USP32: variants seen among roughly 807,000 people sequenced by gnomAD.
USP32 encodes ubiquitin specific peptidase 32, also known as ubiquitin carboxyl-terminal hydrolase 32.
USP32 carries 59 observed loss-of-function variants against 204.8 expected under a neutral mutation model. That is an observed-to-expected ratio of 0.29 (90% CI 0.23 to 0.36). USP32 has a LOEUF of 0.36. USP32 is among the 10% of genes least tolerant of loss of function. The pLI, the probability that USP32 is intolerant of heterozygous loss-of-function variation, is 1.00. For synonymous variants in USP32, 517 were observed against 678.4 expected, an observed-to-expected ratio of 0.76 and a Z score of 3.70; for missense variants, 1,160 against 1,946.4, an observed-to-expected ratio of 0.60 and a Z score of 7.60.
chr17:60,269,262 T>C (rs1436325389), intron 7 of USP32, among the ~76,000 whole-genome samples, 188 bp downstream of exon 7: 2 of 152,300 alleles, frequency 1.3e-5, no homozygotes, highest in South Asian at 2.1e-4. Flanking sequence ...AACTATTCCA[T>C]AGTAAAAAAG....
intron 11 of USP32, among the ~76,000 whole-genome samples, chr17:60,251,919 G>A (rs1280686722): frequency 6.6e-6 from 1 of 151,852 alleles, no homozygotes; most frequent in Non-Finnish European, 1.5e-5. Flanking sequence ...GAAAATAGGA[G>A]CAGGGAATAA....
chr17:60,382,314 C>A (rs2089659025), intron 1 of USP32, among the ~76,000 whole-genome samples: 1 of 152,176 alleles, frequency 6.6e-6, no homozygotes, highest in Non-Finnish European at 1.5e-5. Context: ...ACCAGCAACA[C>A]AGTGAGGCTT....
chr17:60,209,599 A>G lies in USP32; in HGVS notation c.2425-56T>C, dbSNP rs529501930. On this transcript the variant is annotated intron_variant, in intron 21 of 33. Coordinates refer to ENST00000300896, the MANE Select transcript of USP32 (RefSeq NM_032582.4). ...TTTCCTACCCATAAAATTTGGAATGAACATGTCCTATAATCCAATCAGAGC... is the reference window on the plus strand; with the variant it reads ...TTTCCTACCCATAAAATTTGGAATGGACATGTCCTATAATCCAATCAGAGC... 6.4e-6 allele frequency: 8 copies of G among 1,247,382 alleles called. No individual in the cohort carries two copies. In the South Asian group the frequency reaches 1.3e-4, roughly 20 times the overall value. 77.3% of individuals were successfully genotyped at this position (1,247,382 alleles called of 1,614,324 possible).
chr17:60,233,598 A>G (rs1282870622), intron 12 of USP32, among the ~76,000 whole-genome samples: 1 of 152,220 alleles, frequency 6.6e-6, no homozygotes, highest in Non-Finnish European at 1.5e-5. Flanking sequence ...TCACTTTTTT[A>G]AAAAGGTTAC....
At chr17:60,340,222 G>A (rs1272224317) in intron 2 of USP32, among the ~76,000 whole-genome samples, 1 of 152,064 alleles carries the variant, frequency 6.6e-6, no homozygotes, top group Non-Finnish European at 1.5e-5. Context: ...TGCAGTTGTG[G>A]AATATAGATC....
chr17:60,317,222 G>A (rs1048086161), intron 2 of USP32, among the ~76,000 whole-genome samples: 2 of 151,814 alleles, frequency 1.3e-5, no homozygotes, highest in Admixed American at 6.6e-5. Context: ...ACTTAAAGGT[G>A]ATTAAAATGG....
chr17:60,255,991 C>A (rs945534331), intron 9 of USP32, among the ~76,000 whole-genome samples: 1 of 152,026 alleles, frequency 6.6e-6, no homozygotes, highest in African/African-American at 2.4e-5. Context: ...TGCAGAATCA[C>A]TGAAGTGTAT....
chr17:60,407,819 C>T (rs868266038), intron 1 of USP32, among the ~76,000 whole-genome samples: 13 of 148,216 alleles, frequency 8.8e-5, no homozygotes, highest in African/African-American at 2.5e-4. Context: ...AGAAACAGGC[C>T]GGGTGCAGTG....
At chr17:60,304,606 A>T (rs954829742) in intron 2 of USP32, among the ~76,000 whole-genome samples, 1 of 152,212 alleles carries the variant, frequency 6.6e-6, no homozygotes, top group African/African-American at 2.4e-5. Flanking sequence ...GTGTCTTTAT[A>T]GAATATGTAA....
chr17:60,289,838 T>G (rs770812905), intron 4 of USP32, among the ~76,000 whole-genome samples: 5 of 152,166 alleles, frequency 3.3e-5, no homozygotes, highest in African/African-American at 1.2e-4. Flanking sequence ...CTAATCCTAA[T>G]AGACATGCTA....
chr17:60,292,614 G>A (rs981572068), intron 4 of USP32, among the ~76,000 whole-genome samples: 17 of 152,002 alleles, frequency 1.1e-4, no homozygotes, highest in African/African-American at 3.9e-4. Context: ...AATAAATGCA[G>A]AATCTGAAAA....
At chr17:60,355,066 G>T (rs1318827171) in intron 1 of USP32, among the ~76,000 whole-genome samples, 1 of 152,098 alleles carries the variant, frequency 6.6e-6, no homozygotes, top group Non-Finnish European at 1.5e-5. Flanking sequence ...ATAAAACTAT[G>T]ATACATTCTT....
chr17:60,220,229 A>C (rs930932973), intron 15 of USP32, among the ~76,000 whole-genome samples: 9 of 152,126 alleles, frequency 5.9e-5, no homozygotes, highest in Non-Finnish European at 1.0e-4. Flanking sequence ...CTGCCATCTA[A>C]AGTTTAGCAA....
chr17:60,203,345 G>A (rs2084730240), intron 26 of USP32, among the ~76,000 whole-genome samples: 1 of 141,732 alleles, frequency 7.1e-6, no homozygotes, highest in African/African-American at 2.6e-5. Flanking sequence ...AGGCTGCAGT[G>A]AGTGGAGATC....
In USP32 at chr17:60,222,557, A is replaced by C; in HGVS notation, c.1609-8T>G. 6.2e-7 allele frequency: 1 copy of C among 1,611,862 alleles called. No homozygotes were observed. Among genetic ancestry groups the C allele is most frequent in the Non-Finnish European group, 8.5e-7 (1 of 1,178,618 alleles). ...TAGTGTTAATGATGTAGCCTGAGAA[A>C]GAATAGAATGACAATGTTGACTTTC... On this transcript the variant is annotated splice_region_variant and splice_polypyrimidine_tract_variant and intron_variant, in intron 14 of 33. Transcript: ENST00000300896.
intron 1 of USP32, among the ~76,000 whole-genome samples, chr17:60,408,029 T>C (rs1165440124): frequency 1.3e-5 from 2 of 150,450 alleles, no homozygotes; most frequent in Non-Finnish European, 3.0e-5. Context: ...ACCTGGGAGG[T>C]GGAGATTGCA....
At chr17:60,285,127 T>A (rs951545285) in intron 5 of USP32, among the ~76,000 whole-genome samples, 1 of 152,222 alleles carries the variant, frequency 6.6e-6, no homozygotes, top group African/African-American at 2.4e-5. Context: ...GTCACACTCT[T>A]TTCGATATTA....
chr17:60,302,131 T>C (rs1277484197), intron 2 of USP32, among the ~76,000 whole-genome samples: 1 of 151,550 alleles, frequency 6.6e-6, no homozygotes, highest in Admixed American at 6.6e-5. Context: ...ATTTATTTAT[T>C]TATTTATTTA....
chr17:60,246,404 T>C (rs535765427), intron 11 of USP32, among the ~76,000 whole-genome samples: 57 of 146,744 alleles, frequency 3.9e-4, no homozygotes, highest in Non-Finnish European at 5.2e-4. Context: ...TGTGTGTATA[T>C]ATATATATAT....
Sources: gnomAD v4.1 joint callset for allele counts (sites outside exome capture counted in the v4.1 genomes callset) on GRCh38, gnomAD v4.1.1 for gene constraint, MANE v1.5 for transcripts, NCBI Gene and HGNC (gene_info 2026-07-23, HGNC 2026-07-21) for gene names.